The following TG variants were observed in gnomAD, a reference collection of about 807,000 sequenced individuals.
TG encodes the protein thyroid hormones.
Under a neutral mutation model 324.7 loss-of-function variants are expected in TG, and 270 were observed. The observed-to-expected ratio is 0.83, with a 90% CI of 0.75 to 0.92. The LOEUF is 0.92. TG is among the 40% of genes least tolerant of loss of function. TG has a pLI of 0.00. For synonymous variants in TG, 1,401 were observed against 1,327.0 expected, an observed-to-expected ratio of 1.06 and a Z score of -1.21; for missense variants, 3,591 against 3,456.4, an observed-to-expected ratio of 1.04 and a Z score of -0.98.
chr8:132,929,148 C>T lies in TG; in HGVS notation c.4772C>T (p.Ser1591Phe), dbSNP rs368512066. The change falls in exon 23 of 48, where the codon TCC becomes TTC. Residue 1591 changes from serine (S) to phenylalanine (F), a missense_variant. By Grantham distance (155) the Ser-to-Phe change is radical. Transcript: ENST00000220616. ...GCCAATGCTCCTGTGGCTGTCAGAT[C>T]CAAAGTTCCTGATTCTGAGTTCCCC... The part of the protein sequence containing the change: ...FDANAPVAVR[S>F]KVPDSEFPVM... 5.6e-5 allele frequency: 91 copies of T among 1,613,980 alleles called. No individual in the cohort carries two copies. The highest frequency in any genetic ancestry group is 8.3e-5 in the Admixed American group (5 of 59,996).
chr8:132,980,591 G>A (rs1830705838), intron 34 of TG, among the ~76,000 whole-genome samples: 1 of 152,138 alleles, frequency 6.6e-6, no homozygotes, highest in South Asian at 2.1e-4. Context: ...ATCCCAAGGA[G>A]GAGGTCATGG....
rs1401788022 is a variant in TG, at chr8:133,067,862, GA to G, written c.7240-27179del. On this transcript the variant is annotated intron_variant, in intron 41 of 47. Transcript: ENST00000220616. ...AGAGACAGAGAGAGAGAGAAAGAAA[GA>G]AAGAAAGGAAGGAAGGAAGGAAGTA... Among the ~76,000 whole-genome samples the G allele has an allele frequency of 6.2e-3, 445 of 72,120 alleles. 5 individuals carry two copies. Among genetic ancestry groups the G allele is most frequent in the African/African-American group, 0.03 (428 of 14,252 alleles). 47.3% of individuals were successfully genotyped at this position (72,120 alleles called of 152,430 possible).
At chr8:132,981,994 AT>A (rs1387610790) in intron 34 of TG, among the ~76,000 whole-genome samples, 2 of 152,216 alleles carry the variant, frequency 1.3e-5, no homozygotes, top group Non-Finnish European at 2.9e-5. Context: ...ACTCTGACCC[AT>A]GGCTTTTCAT....
intron 31 of TG, among the ~76,000 whole-genome samples, chr8:132,969,004 G>A (rs778033344): frequency 6.6e-6 from 1 of 152,146 alleles, no homozygotes; most frequent in African/African-American, 2.4e-5. Context: ...GGAGAGGGCT[G>A]TTGTCAGCTG....
intron 25 of TG, among the ~76,000 whole-genome samples, chr8:132,938,375 A>C (rs956316553): frequency 7.9e-5 from 12 of 152,164 alleles, no homozygotes; most frequent in African/African-American, 2.9e-4. Flanking sequence ...AAAGGATGTC[A>C]GTGCCCAAAG....
intron 35 of TG, among the ~76,000 whole-genome samples, chr8:132,985,380 C>T (rs887078050): frequency 6.6e-6 from 1 of 152,216 alleles, no homozygotes; most frequent in African/African-American, 2.4e-5. Context: ...TGGGAGGGGT[C>T]CTGGAACCAG....
chr8:132,918,066 G>A (rs1820620607), intron 20 of TG, among the ~76,000 whole-genome samples: 1 of 152,026 alleles, frequency 6.6e-6, no homozygotes, highest in African/African-American at 2.4e-5. Flanking sequence ...CCGAGGGAAG[G>A]TTGACAGTAA....
chr8:132,924,081 G>T (rs978280180), intron 22 of TG, among the ~76,000 whole-genome samples: 1 of 151,910 alleles, frequency 6.6e-6, no homozygotes, highest in Non-Finnish European at 1.5e-5. Flanking sequence ...CCATAACGTA[G>T]AATCAGTGGG....
In TG at chr8:133,088,242, C is replaced by G. The variant is rs188028674; in HGVS notation, c.7240-6802C>G. On this transcript the variant is annotated intron_variant, in intron 41 of 47. Coordinates refer to ENST00000220616, the MANE Select transcript of TG (RefSeq NM_003235.5). ...TATGGCATTCCTGTGATGGAGGAGC[C>G]AGGCTCCCCTCCTGCTCCTCCTCCT... Among the ~76,000 whole-genome samples, 594 of 150,356 alleles carry G rather than the reference C, an allele frequency of 4.0e-3. 3 individuals carry two copies. The highest frequency in any genetic ancestry group is 7.2e-3 in the Non-Finnish European group (486 of 67,094).
At chr8:133,124,207 AGT>A (rs921927786) in intron 45 of TG, among the ~76,000 whole-genome samples, 4 of 152,126 alleles carry the variant, frequency 2.6e-5, no homozygotes, top group Non-Finnish European at 5.9e-5. Context: ...CATGAGACTG[AGT>A]GTGTGCTATG....
At chr8:132,887,599 C>T (rs781228260) in intron 9 of TG, 51 bp downstream of exon 9, 4 of 1,612,360 alleles carry the variant, frequency 2.5e-6, no homozygotes, top group East Asian at 2.2e-5. Flanking sequence ...TCTCTTTAGG[C>T]CCTGACCCAA....
intron 41 of TG, among the ~76,000 whole-genome samples, chr8:133,067,020 T>G (rs1467756438): frequency 1.3e-5 from 2 of 152,172 alleles, no homozygotes; most frequent in Non-Finnish European, 2.9e-5. Flanking sequence ...GCCGTGACTG[T>G]ACCCAGTACC....
chr8:132,903,260 A>C (rs1038584447), intron 16 of TG, among the ~76,000 whole-genome samples: 15 of 152,226 alleles, frequency 9.9e-5, no homozygotes, highest in Non-Finnish European at 4.4e-5. Context: ...TGGGGAGCTA[A>C]CATTTGTAAA....
intron 45 of TG, among the ~76,000 whole-genome samples, chr8:133,120,552 C>T (rs898378086): frequency 6.6e-5 from 10 of 152,172 alleles, no homozygotes; most frequent in Non-Finnish European, 1.2e-4. Context: ...CTCTCTTAGC[C>T]CCTGGTGGCC....
Position 133,134,848 on chromosome 8 carries a change from T to C in TG, c.*54T>C. On this transcript the variant is annotated 3_prime_UTR_variant, in exon 48 of 48. Coordinates refer to ENST00000220616, the MANE Select transcript of TG (RefSeq NM_003235.5). ...CCCGAGGCTGCCCACTATGGTCATC[T>C]TTTTCTCTAAAATAGCCACTTACCT... 4.2e-6 allele frequency: 6 copies of C among 1,422,324 alleles called. No homozygotes were observed. The highest frequency in any genetic ancestry group is 3.5e-5 in the South Asian group (3 of 86,852). The allele number at this position is 1,422,324 out of a possible 1,614,324, so 88.1% of individuals were successfully genotyped here.
At chr8:133,028,895 A>G (rs145588839) in intron 40 of TG, among the ~76,000 whole-genome samples, 75 of 152,222 alleles carry the variant, frequency 4.9e-4, no homozygotes, top group African/African-American at 1.6e-3. Context: ...AATCATAACT[A>G]TGGTGCCTCA....
intron 36 of TG, 147 bp from the exon 37 acceptor site, chr8:133,013,453 G>A (rs116503970): frequency 2.1e-5 from 20 of 962,364 alleles, no homozygotes; most frequent in South Asian, 1.2e-4. Flanking sequence ...ATGGATAGAC[G>A]GATGGATTCA....
At chr8:133,088,753 G>A (rs1453226194) in intron 41 of TG, among the ~76,000 whole-genome samples, 2 of 152,140 alleles carry the variant, frequency 1.3e-5, no homozygotes, top group Non-Finnish European at 2.9e-5. Context: ...TAGTTTTGAT[G>A]CCTTTTTTCC....
intron 41 of TG, chr8:133,060,300 A>G (rs1343323531): frequency 2.5e-6 from 4 of 1,573,274 alleles, no homozygotes; most frequent in Non-Finnish European, 3.5e-6. Flanking sequence ...TTTTTCTGGC[A>G]GCTTGCTTCT....
Sources: allele counts gnomAD v4.1 joint callset (sites outside exome capture counted in the v4.1 genomes callset), GRCh38; gene constraint gnomAD v4.1.1; transcripts MANE v1.5; gene names NCBI Gene and HGNC (gene_info 2026-07-23, HGNC 2026-07-21).